Variants in AUTS2 observed in about 807,000 individuals in gnomAD.
The protein encoded by AUTS2 is autism susceptibility gene 2 protein.
Under a neutral mutation model 112.4 loss-of-function variants are expected in AUTS2, and 17 were observed. The ratio of observed to expected loss-of-function variants is 0.15; its 90% CI spans 0.10 to 0.23. The LOEUF is 0.23. Among genes scored for constraint, AUTS2 ranks in the 10% least tolerant of loss-of-function variants. The pLI is 1.00. For synonymous variants in AUTS2, 751 were observed against 702.7 expected (o/e 1.07, Z -1.09); for missense variants, 1,510 against 1,701.6 (o/e 0.89, Z 1.98).
intron 17 of AUTS2, 99 bp downstream of exon 17, chr7:70,786,137 T>TG (rs1467756212): frequency 6.8e-6 from 7 of 1,034,048 alleles, no homozygotes; most frequent in South Asian, 1.4e-5. Flanking sequence ...AACTATGCTC[T>TG]GGGGGGACCA....
intron 5 of AUTS2, among the ~76,000 whole-genome samples, chr7:70,597,633 T>G (rs1370330165): frequency 6.6e-6 from 1 of 152,240 alleles, no homozygotes; most frequent in Non-Finnish European, 1.5e-5. Flanking sequence ...CTCAAGAAAT[T>G]GTTCCCCTTG....
At chr7:70,725,808 G>A (rs1786992234) in intron 6 of AUTS2, among the ~76,000 whole-genome samples, 1 of 152,162 alleles carries the variant, frequency 6.6e-6, no homozygotes, top group African/African-American at 2.4e-5. Context: ...AGACAGTGCT[G>A]TCCTTAATTG....
At chr7:69,817,814 C>G (rs1004963244) in intron 1 of AUTS2, among the ~76,000 whole-genome samples, 2 of 152,198 alleles carry the variant, frequency 1.3e-5, no homozygotes, top group African/African-American at 4.8e-5. Flanking sequence ...GAACCTGCCT[C>G]TGGACCCCAA....
At chr7:69,958,643 T>A (rs1282853123) in intron 2 of AUTS2, among the ~76,000 whole-genome samples, 1 of 152,130 alleles carries the variant, frequency 6.6e-6, no homozygotes, top group Non-Finnish European at 1.5e-5. Flanking sequence ...CTGTTTCAGA[T>A]AGTCACTCTG....
chr7:70,644,025 C>A (rs187181970), intron 5 of AUTS2, among the ~76,000 whole-genome samples: 125 of 152,226 alleles, frequency 8.2e-4, no homozygotes, highest in African/African-American at 2.8e-3. Flanking sequence ...CTGACCAGTT[C>A]CTTGGTGATG....
At chr7:69,836,553 C>G (rs1180936432) in intron 1 of AUTS2, among the ~76,000 whole-genome samples, 1 of 151,928 alleles carries the variant, frequency 6.6e-6, no homozygotes, top group Non-Finnish European at 1.5e-5. Flanking sequence ...TTTTGCATCC[C>G]CATTTGAAAG....
At chr7:70,271,447 G>A (rs1035701680) in intron 4 of AUTS2, among the ~76,000 whole-genome samples, 7 of 151,818 alleles carry the variant, frequency 4.6e-5, no homozygotes, top group South Asian at 2.1e-4. Context: ...CGTCTCTTGC[G>A]AATTGTTGTT....
chr7:69,935,599 A>G (rs1000282098), intron 2 of AUTS2, among the ~76,000 whole-genome samples: 1 of 152,144 alleles, frequency 6.6e-6, no homozygotes, highest in Non-Finnish European at 1.5e-5. Context: ...AGAGAAATTA[A>G]AGAGAGTAAG....
At chr7:69,832,200 A>C (rs972228232) in intron 1 of AUTS2, among the ~76,000 whole-genome samples, 1 of 152,180 alleles carries the variant, frequency 6.6e-6, no homozygotes, top group African/African-American at 2.4e-5. Flanking sequence ...GAACTCCTGC[A>C]GCGTTTTAAA....
chr7:69,765,303 GTAGGTA>G (rs1788371430), intron 1 of AUTS2, among the ~76,000 whole-genome samples: 1 of 152,184 alleles, frequency 6.6e-6, no homozygotes, highest in Non-Finnish European at 1.5e-5. Context: ...ATTGGACATG[GTAGGTA>G]CCTAGTGAGC....
chr7:70,274,005 TAAATG>T (rs1787816070), intron 4 of AUTS2, among the ~76,000 whole-genome samples: 1 of 152,120 alleles, frequency 6.6e-6, no homozygotes, highest in Admixed American at 6.5e-5. Flanking sequence ...AATTGGAAAA[TAAATG>T]AATAATAGTA....
intron 4 of AUTS2, among the ~76,000 whole-genome samples, chr7:70,250,938 A>G (rs910987413): frequency 1.3e-5 from 2 of 152,168 alleles, no homozygotes; most frequent in Non-Finnish European, 2.9e-5. Flanking sequence ...TGACAAAATT[A>G]TCTGTACACC....
At chr7:70,588,358 A>G (rs1177715598) in intron 5 of AUTS2, among the ~76,000 whole-genome samples, 3 of 152,196 alleles carry the variant, frequency 2.0e-5, no homozygotes, top group Admixed American at 6.6e-5. Flanking sequence ...CATGCCTTGA[A>G]TCTGTAATTC....
chr7:70,043,585 CT>C (rs1801350403), intron 2 of AUTS2, among the ~76,000 whole-genome samples: 1 of 113,924 alleles, frequency 8.8e-6, no homozygotes, highest in Non-Finnish European at 1.7e-5. Context: ...TCCTTCCTTC[CT>C]TCCTTCCTTC....
At chr7:70,493,618 A>C (rs1325351510) in intron 5 of AUTS2, among the ~76,000 whole-genome samples, 3 of 152,122 alleles carry the variant, frequency 2.0e-5, no homozygotes, top group Non-Finnish European at 4.4e-5. Context: ...CATTAATATA[A>C]ATATAATTGA....
At chr7:69,722,207 G>GTATA (rs1272258124) in intron 1 of AUTS2, among the ~76,000 whole-genome samples, 1 of 151,652 alleles carries the variant, frequency 6.6e-6, no homozygotes, top group Non-Finnish European at 1.5e-5. Flanking sequence ...AATATATTGT[G>GTATA]TATAGGTGGT....
Position 70,762,445 on chromosome 7 carries a change from T to C in AUTS2, c.743-425T>C, listed in dbSNP as rs576937320. Among the ~76,000 whole-genome samples the C allele has an allele frequency of 6.4e-4, 97 of 152,184 alleles. 1 individual carries two copies. The highest frequency in any genetic ancestry group is 2.2e-3 in the African/African-American group (93 of 41,518). On this transcript the variant is annotated intron_variant, in intron 6 of 18. Transcript: ENST00000342771. Reference sequence around the variant, plus strand: ...ACCACCACACCTGGCTAATTTTTTTTTTTGTAGAGTCAGGGTCTTGCTATG... The same window carrying C: ...ACCACCACACCTGGCTAATTTTTTTCTTTGTAGAGTCAGGGTCTTGCTATG...
intron 2 of AUTS2, among the ~76,000 whole-genome samples, chr7:70,091,465 C>A (rs1803915148): frequency 6.6e-6 from 1 of 152,104 alleles, no homozygotes; most frequent in Non-Finnish European, 1.5e-5. Flanking sequence ...ACTCCAGGTC[C>A]TATAAATTTT....
chr7:70,165,178 A>G (rs957230728), intron 4 of AUTS2, among the ~76,000 whole-genome samples: 2 of 152,222 alleles, frequency 1.3e-5, no homozygotes, highest in Non-Finnish European at 2.9e-5. Context: ...TAGAGCAAAA[A>G]GAGTGGAAAT....
Sources: gnomAD v4.1 joint callset for allele counts (sites outside exome capture counted in the v4.1 genomes callset) on GRCh38, gnomAD v4.1.1 for gene constraint, MANE v1.5 for transcripts, NCBI Gene and HGNC (gene_info 2026-07-23, HGNC 2026-07-21) for gene names.